PHACTR3: variants seen among roughly 807,000 people sequenced by gnomAD.
PHACTR3 encodes phosphatase and actin regulator 3.
A neutral mutation model predicts 66.8 loss-of-function variants in PHACTR3; 16 were observed. The observed-to-expected ratio is 0.24, with a 90% confidence interval of 0.16 to 0.36. The LOEUF is 0.36. Among genes scored for constraint, PHACTR3 ranks in the 10% least tolerant of loss-of-function variants. The pLI is 1.00. For missense variants in PHACTR3, 647 were observed against 719.9 expected, an observed-to-expected ratio of 0.90 and a Z score of 1.16; for synonymous variants, 323 against 292.1, an observed-to-expected ratio of 1.11 and a Z score of -1.08.
At chr20:59,715,748 G>T (rs529975396) in intron 1 of PHACTR3, among the ~76,000 whole-genome samples, 1 of 152,222 alleles carries the variant, frequency 6.6e-6, no homozygotes, top group East Asian at 1.9e-4. Flanking sequence ...TCCTTCATCA[G>T]ATACTCAAAT....
At chr20:59,667,448 A>C (rs962352466) in intron 1 of PHACTR3, among the ~76,000 whole-genome samples, 1 of 152,228 alleles carries the variant, frequency 6.6e-6, no homozygotes, top group Non-Finnish European at 1.5e-5. Flanking sequence ...CTTTTCATGC[A>C]TGTGACTTGA....
At position 59,847,319 on chromosome 20, in the gene PHACTR3, C is replaced by A; in HGVS notation, c.*189C>A. ...AGAGGAGTAACCAGAGGACACACTTCCTTCCTTCTTTGGTGTCTGAGGAGT... is the reference window on the plus strand; with the variant it reads ...AGAGGAGTAACCAGAGGACACACTTACTTCCTTCTTTGGTGTCTGAGGAGT... On this transcript the variant is annotated 3_prime_UTR_variant, in exon 13 of 13. Transcript: ENST00000371015. The A allele has an allele frequency of 2.2e-6, 1 of 463,580 alleles. No individual in the cohort carries two copies. Among genetic ancestry groups the A allele is most frequent in the Admixed American group, 3.2e-5 (1 of 31,524 alleles). The allele number at this position is 463,580 out of a possible 1,614,324, so 28.7% of individuals were successfully genotyped here.
intron 1 of PHACTR3, among the ~76,000 whole-genome samples, chr20:59,726,793 G>A (rs1043093065): frequency 1.3e-5 from 2 of 151,988 alleles, no homozygotes; most frequent in South Asian, 2.1e-4. Context: ...AGGTGTTCCC[G>A]GACTTTGCAT....
At chr20:59,593,077 G>A (rs1465630988) in intron 1 of PHACTR3, among the ~76,000 whole-genome samples, 1 of 152,214 alleles carries the variant, frequency 6.6e-6, no homozygotes, top group Non-Finnish European at 1.5e-5. Flanking sequence ...CCACAAAGCT[G>A]TCTTCCAAAG....
chr20:59,598,332 G>T (rs2033382989), intron 1 of PHACTR3, among the ~76,000 whole-genome samples: 2 of 152,230 alleles, frequency 1.3e-5, no homozygotes, highest in African/African-American at 2.4e-5. Flanking sequence ...GAGGGCTTCT[G>T]TGTGCTGTGT....
chr20:59,727,184 C>T (rs545598324), intron 1 of PHACTR3, among the ~76,000 whole-genome samples: 40 of 152,218 alleles, frequency 2.6e-4, no homozygotes, highest in African/African-American at 8.7e-4. Context: ...ATACGCTGTA[C>T]GGACGCTATA....
chr20:59,740,814 G>T (rs2039129984), intron 1 of PHACTR3, among the ~76,000 whole-genome samples: 1 of 152,208 alleles, frequency 6.6e-6, no homozygotes, highest in Admixed American at 6.5e-5. Context: ...CTGTCACTGG[G>T]GGCACAGAGG....
chr20:59,586,615 A>C (rs2033036666), intron 1 of PHACTR3, among the ~76,000 whole-genome samples: 1 of 152,080 alleles, frequency 6.6e-6, no homozygotes, highest in Non-Finnish European at 1.5e-5. Flanking sequence ...TTTCTGACCT[A>C]GAGTATTGTG....
chr20:59,840,529 A>ATCAT, intron 10 of PHACTR3, 99 bp downstream of exon 10: 1 of 1,518,578 alleles, frequency 6.6e-7, no homozygotes. Context: ...TCACTCTGTG[A>ATCAT]TCATGAATAA....
intron 8 of PHACTR3, among the ~76,000 whole-genome samples, chr20:59,831,095 A>G (rs367744598): frequency 6.6e-6 from 1 of 152,086 alleles, no homozygotes; most frequent in Non-Finnish European, 1.5e-5. Flanking sequence ...GTCGTAGGTG[A>G]CTGCTACAGA....
chr20:59,591,363 C>T (rs948420378), intron 1 of PHACTR3, among the ~76,000 whole-genome samples: 2 of 152,190 alleles, frequency 1.3e-5, no homozygotes, highest in African/African-American at 4.8e-5. Flanking sequence ...CAGGTCTCCA[C>T]CCGGGCAAGG....
intron 7 of PHACTR3, among the ~76,000 whole-genome samples, chr20:59,786,827 C>T (rs924595468): frequency 1.3e-5 from 2 of 152,128 alleles, no homozygotes; most frequent in African/African-American, 2.4e-5. Context: ...GTGCAGTTGA[C>T]GGGTGTCCAT....
intron 2 of PHACTR3, among the ~76,000 whole-genome samples, chr20:59,743,786 G>A (rs529858616): frequency 2.0e-5 from 3 of 152,316 alleles, no homozygotes; most frequent in Non-Finnish European, 2.9e-5. Context: ...TGAGGCCGTC[G>A]GTTTGGCTTT....
intron 7 of PHACTR3, among the ~76,000 whole-genome samples, chr20:59,786,844 C>G (rs1341285433): frequency 6.6e-6 from 1 of 152,186 alleles, no homozygotes; most frequent in African/African-American, 2.4e-5. Flanking sequence ...CCATGGAGCG[C>G]TCTCTGTGTA....
chr20:59,731,989 G>T (rs976921388), intron 1 of PHACTR3, among the ~76,000 whole-genome samples: 1 of 152,142 alleles, frequency 6.6e-6, no homozygotes, highest in East Asian at 1.9e-4. Context: ...CTTTTGTGGG[G>T]TTATTGCAGT....
chr20:59,588,572 G>C (rs1319800097), intron 1 of PHACTR3, among the ~76,000 whole-genome samples: 1 of 152,164 alleles, frequency 6.6e-6, no homozygotes, highest in Non-Finnish European at 1.5e-5. Flanking sequence ...ACTCATGCTG[G>C]GGCAAGAGGC....
At chr20:59,814,924 G>A (rs890659535) in intron 8 of PHACTR3, among the ~76,000 whole-genome samples, 4 of 152,072 alleles carry the variant, frequency 2.6e-5, no homozygotes, top group Admixed American at 6.5e-5. Flanking sequence ...AAGGGTAAAG[G>A]GCTTCTGTTT....
At chr20:59,824,558 A>G (rs764701440) in intron 8 of PHACTR3, among the ~76,000 whole-genome samples, 26 of 152,148 alleles carry the variant, frequency 1.7e-4, no homozygotes, top group Non-Finnish European at 3.1e-4. Flanking sequence ...GCAGGGTTGA[A>G]CACAGGTCCT....
At position 59,605,089 on chromosome 20, in the gene PHACTR3, C is replaced by T; in HGVS notation, c.75C>T (p.Thr25=). Residue 25 remains threonine (T), a synonymous_variant, in exon 1 of 13, where the codon ACC becomes ACT. Coordinates refer to ENST00000371015, the MANE Select transcript of PHACTR3 (RefSeq NM_080672.5). ...GRSQSDPSVL[T]DSSATSSADA... is the part of the protein sequence containing the mutation. ...CGCAGAGTGACCCCAGCGTCCTCAC[C>T]GACTCCTCGGCCACCTCCTCCGCGG... 12 of 1,411,834 alleles carry T rather than the reference C, an allele frequency of 8.5e-6. No individual in the cohort carries two copies. Among genetic ancestry groups the T allele is most frequent in the East Asian group, 3.1e-5 (1 of 32,722 alleles). The allele number at this position is 1,411,834 out of a possible 1,614,324, so 87.5% of individuals were successfully genotyped here.
Sources: gnomAD v4.1 joint callset for allele counts (sites outside exome capture counted in the v4.1 genomes callset) on GRCh38, gnomAD v4.1.1 for gene constraint, MANE v1.5 for transcripts, NCBI Gene and HGNC (gene_info 2026-07-23, HGNC 2026-07-21) for gene names.